Variants in ETNK1 observed in about 807,000 individuals in gnomAD.
ETNK1 encodes the protein ethanolamine kinase 1.
Under a neutral mutation model 45.1 loss-of-function variants are expected in ETNK1, and 8 were observed. The observed-to-expected ratio is 0.18, with a 90% CI of 0.10 to 0.32. ETNK1 has a LOEUF of 0.32. Ranked by LOEUF, ETNK1 falls within the 10% of genes least tolerant of loss-of-function variation. The probability of loss-of-function intolerance (pLI) is 1.00; values close to 1 mark genes in which losing one functional copy is unlikely to be tolerated. For synonymous variants in ETNK1, 152 were observed against 151.9 expected, an observed-to-expected ratio of 1.00 and a Z score of -0.01; for missense variants, 302 against 430.6, an observed-to-expected ratio of 0.70 and a Z score of 2.64.
intron 4 of ETNK1, chr12:22,671,031 C>T: frequency 2.7e-6 from 1 of 371,326 alleles, no homozygotes. Context: ...TTTCATTTTT[C>T]TTTAAAAAAG....
chr12:22,675,305 C>T (rs536622482), intron 6 of ETNK1, among the ~76,000 whole-genome samples: 10 of 151,590 alleles, frequency 6.6e-5, no homozygotes, highest in Admixed American at 1.3e-4. Context: ...TGATTCTTCC[C>T]GGCTCAGCCT....
intron 1 of ETNK1, among the ~76,000 whole-genome samples, chr12:22,639,493 A>G (rs1355456058): frequency 6.6e-6 from 1 of 152,194 alleles, no homozygotes; most frequent in African/African-American, 2.4e-5. Context: ...CCTGGCCAAC[A>G]TGGCGAAACC....
intron 6 of ETNK1, among the ~76,000 whole-genome samples, chr12:22,681,740 A>G (rs1954217589): frequency 6.6e-6 from 1 of 152,068 alleles, no homozygotes; most frequent in Non-Finnish European, 1.5e-5. Context: ...ATTATTTTAC[A>G]CTTCTGCAAA....
Position 22,640,775 on chromosome 12 carries a change from A to G in ETNK1, c.157-2988A>G, listed in dbSNP as rs551069274. Reference sequence around the variant, plus strand: ...GCCTAAGGTTACTCGGTTTGTATGTAGCAGAGCTGGGATTCAAACTCAAAC... The same window carrying G: ...GCCTAAGGTTACTCGGTTTGTATGTGGCAGAGCTGGGATTCAAACTCAAAC... On this transcript the variant is annotated intron_variant, in intron 1 of 7. Coordinates refer to ENST00000266517, the MANE Select transcript of ETNK1 (RefSeq NM_018638.5). 3.9e-5 allele frequency among the ~76,000 whole-genome samples: 6 copies of G among 152,262 alleles called. No homozygotes were observed. In the South Asian group the frequency reaches 1.2e-3, roughly 32 times the overall value.
intron 4 of ETNK1, among the ~76,000 whole-genome samples, chr12:22,665,280 G>A (rs530298440): frequency 6.6e-6 from 1 of 152,098 alleles, no homozygotes; most frequent in African/African-American, 2.4e-5. Context: ...GGATTTCTTG[G>A]CCCCACCCAT....
At chr12:22,655,932 T>C (rs1481981411) in intron 2 of ETNK1, among the ~76,000 whole-genome samples, 1 of 152,246 alleles carries the variant, frequency 6.6e-6, no homozygotes, top group African/African-American at 2.4e-5. Flanking sequence ...GGGTGTTCTA[T>C]AGTGATACAA....
intron 1 of ETNK1, chr12:22,626,342 T>G (rs1953496552): frequency 6.6e-6 from 1 of 152,644 alleles, no homozygotes; most frequent in Non-Finnish European, 1.5e-5. Context: ...TACGTGATTT[T>G]TTTTGAATAC....
At chr12:22,670,464 C>T (rs918758713) in intron 4 of ETNK1, among the ~76,000 whole-genome samples, 1 of 151,458 alleles carries the variant, frequency 6.6e-6, no homozygotes, top group Admixed American at 6.6e-5. Context: ...TTATAATATT[C>T]ATTACTCAAA....
intron 1 of ETNK1, 130 bp from the exon 2 acceptor site, chr12:22,643,633 A>T: frequency 1.6e-6 from 1 of 615,930 alleles, no homozygotes; most frequent in East Asian, 2.8e-5. Flanking sequence ...GTATTCAAAG[A>T]TGGTTCTTTT....
chr12:22,672,128 C>A (rs1406170321), intron 5 of ETNK1, among the ~76,000 whole-genome samples: 1 of 151,968 alleles, frequency 6.6e-6, no homozygotes, highest in Admixed American at 6.5e-5. Flanking sequence ...CTAAAAAGTT[C>A]AATAACCTTT....
intron 2 of ETNK1, chr12:22,656,333 T>C: frequency 1.2e-6 from 1 of 862,522 alleles, no homozygotes; most frequent in Non-Finnish European, 1.4e-6. Flanking sequence ...AAAAAACAAC[T>C]TGAGGCAGCA....
Position 22,688,656 on chromosome 12 carries a change from A to G in ETNK1, c.*3702A>G, listed in dbSNP as rs559963424. On this transcript the variant is annotated 3_prime_UTR_variant, in exon 8 of 8. Transcript: ENST00000266517. ...TGATAGACAAAGTTAGCGATGCTTT[A>G]TGCTAGGAAACTTGTTGACAGTAAC... 1 of 152,498 alleles carries G rather than the reference A, an allele frequency of 6.6e-6. No homozygotes were observed. The highest frequency in any genetic ancestry group is 1.5e-5 in the Non-Finnish European group (1 of 67,794). The allele number at this position is 152,498 out of a possible 1,614,324, so 9.4% of individuals were successfully genotyped here. A position where few individuals can be genotyped will look rare whatever the true frequency, so the allele number is the denominator to read the frequency against.
At chr12:22,678,255 C>T (rs1380842048) in intron 6 of ETNK1, among the ~76,000 whole-genome samples, 1 of 152,184 alleles carries the variant, frequency 6.6e-6, no homozygotes, top group African/African-American at 2.4e-5. Flanking sequence ...CTTTATCCTT[C>T]ATGCGTTTCT....
intron 2 of ETNK1, chr12:22,644,273 G>A (rs1168903728): frequency 4.4e-6 from 7 of 1,608,440 alleles, no homozygotes; most frequent in Admixed American, 1.7e-5. Context: ...ACCGGCTGCA[G>A]AGGGTCAAGG....
intron 4 of ETNK1, among the ~76,000 whole-genome samples, chr12:22,666,983 G>C (rs1954059239): frequency 6.6e-6 from 1 of 152,076 alleles, no homozygotes. Flanking sequence ...AATACAAATT[G>C]ATTTTTGTGT....
At chr12:22,647,139 C>T (rs1315747469) in intron 2 of ETNK1, among the ~76,000 whole-genome samples, 2 of 151,742 alleles carry the variant, frequency 1.3e-5, no homozygotes, top group East Asian at 3.9e-4. Context: ...TCAGTTATTA[C>T]GGACACCTTC....
chr12:22,628,252 G>T (rs1231554045), intron 1 of ETNK1, among the ~76,000 whole-genome samples: 1 of 152,086 alleles, frequency 6.6e-6, no homozygotes, highest in Non-Finnish European at 1.5e-5. Flanking sequence ...ACAAATGGCA[G>T]ATCTGAGATG....
At chr12:22,641,681 T>C (rs1352600342) in intron 1 of ETNK1, among the ~76,000 whole-genome samples, 1 of 152,180 alleles carries the variant, frequency 6.6e-6, no homozygotes, top group Non-Finnish European at 1.5e-5. Flanking sequence ...AAATTACTTA[T>C]GGAGAAACAA....
intron 6 of ETNK1, among the ~76,000 whole-genome samples, chr12:22,681,600 C>T (rs1417984651): frequency 6.6e-6 from 1 of 151,718 alleles, no homozygotes; most frequent in Non-Finnish European, 1.5e-5. Flanking sequence ...CAGTATTTAA[C>T]ATATTAGAAG....
Sources: allele counts gnomAD v4.1 joint callset (sites outside exome capture counted in the v4.1 genomes callset), GRCh38; gene constraint gnomAD v4.1.1; transcripts MANE v1.5; gene names NCBI Gene and HGNC (gene_info 2026-07-23, HGNC 2026-07-21).